RUNX1T1: variants seen among roughly 807,000 people sequenced by gnomAD.
RUNX1T1 encodes the protein RUNX1 partner transcriptional co-repressor 1, also known as protein CBFA2T1.
RUNX1T1 carries 4 observed loss-of-function variants against 62.8 expected under a neutral mutation model. The ratio of observed to expected loss-of-function variants is 0.06; its 90% CI spans 0.03 to 0.15. The LOEUF is 0.15. RUNX1T1 is among the 10% of genes least tolerant of loss of function. RUNX1T1 has a pLI of 1.00. For synonymous variants in RUNX1T1, 291 were observed against 286.0 expected (o/e 1.02, Z -0.18); for missense variants, 508 against 754.3 (o/e 0.67, Z 3.82).
intron 1 of RUNX1T1, among the ~76,000 whole-genome samples, chr8:92,054,922 T>C (rs1261420040): frequency 6.6e-6 from 1 of 152,098 alleles, no homozygotes; most frequent in African/African-American, 2.4e-5. Flanking sequence ...GGGGAACTGC[T>C]TGAACCCGGG....
At chr8:92,089,227 C>A (rs575402050) in intron 1 of RUNX1T1, among the ~76,000 whole-genome samples, 78 of 152,124 alleles carry the variant, frequency 5.1e-4, no homozygotes, top group Non-Finnish European at 9.0e-4. Flanking sequence ...TTTATAACCA[C>A]CCAAATTAGA....
chr8:92,089,243 A>C (rs1257827002), intron 1 of RUNX1T1, among the ~76,000 whole-genome samples: 1 of 152,192 alleles, frequency 6.6e-6, no homozygotes, highest in Admixed American at 6.5e-5. Context: ...TTAGAATCAA[A>C]TCTCTAATAA....
chr8:92,047,988 C>T (rs891923781), intron 1 of RUNX1T1, among the ~76,000 whole-genome samples: 1 of 152,174 alleles, frequency 6.6e-6, no homozygotes, highest in Non-Finnish European at 1.5e-5. Context: ...AAAGTTCTCA[C>T]ATAATTTTTT....
intron 1 of RUNX1T1, among the ~76,000 whole-genome samples, chr8:92,053,262 T>C (rs1028783607): frequency 9.9e-5 from 15 of 152,276 alleles, no homozygotes; most frequent in African/African-American, 2.4e-4. Flanking sequence ...TAAGAAACTA[T>C]TGGCTAAATT....
intron 2 of RUNX1T1, among the ~76,000 whole-genome samples, chr8:92,074,298 G>A (rs542019186): frequency 5.9e-5 from 9 of 152,266 alleles, no homozygotes; most frequent in African/African-American, 2.2e-4. Flanking sequence ...TGCTGCAATG[G>A]TTCATTGCCA....
downstream of RUNX1T1, chr8:91,956,243 T>C (rs1234167254): frequency 4.3e-5 from 10 of 231,464 alleles, no homozygotes; most frequent in Middle Eastern, 1.3e-3. Context: ...CTATGGAAGG[T>C]AGTAATTCTC....
chr8:91,986,859 T>A (rs1204876232), intron 7 of RUNX1T1, 28 bp downstream of exon 8: 2 of 1,445,942 alleles, frequency 1.4e-6, no homozygotes, highest in South Asian at 1.1e-5. Context: ...AAACATTTTT[T>A]AATCCCAAAT....
At chr8:92,100,710 A>C (rs943713023), upstream of RUNX1T1, among the ~76,000 whole-genome samples, 15 of 152,244 alleles carry the variant, frequency 9.9e-5, no homozygotes, top group Non-Finnish European at 1.9e-4. Context: ...AAAGGAAAAA[A>C]ACGAAAATGA....
intron 1 of RUNX1T1, among the ~76,000 whole-genome samples, chr8:92,085,989 T>C (rs553855899): frequency 1.3e-5 from 2 of 152,378 alleles, no homozygotes; most frequent in African/African-American, 4.8e-5. Flanking sequence ...TTAAACTCAG[T>C]AGATTTTAAT....
At chr8:92,095,365 G>C (rs1484982516) in intron 1 of RUNX1T1, 6 of 1,535,358 alleles carry the variant, frequency 3.9e-6, no homozygotes, top group Admixed American at 3.9e-5. Flanking sequence ...AAAGGAGCGC[G>C]GGAGAGCGGC....
At chr8:92,038,534 C>T (rs996852620) in intron 1 of RUNX1T1, among the ~76,000 whole-genome samples, 1 of 152,056 alleles carries the variant, frequency 6.6e-6, no homozygotes, top group Non-Finnish European at 1.5e-5. Flanking sequence ...CCAAACAGGA[C>T]ACAGGAAATG....
intron 1 of RUNX1T1, among the ~76,000 whole-genome samples, chr8:92,054,440 T>C (rs1830708112): frequency 6.6e-6 from 1 of 152,196 alleles, no homozygotes. Context: ...TCGCTGTCTA[T>C]AAAGAGGTTT....
rs186161326 is a variant in RUNX1T1 at position 92,007,820 on chromosome 8, T to C, written c.478-2523A>G. On this transcript the variant is annotated intron_variant, in intron 4 of 10. Transcript: ENST00000396218. ...CCTCATCTCTACAAAAAATACAAAA[T>C]CGGTTGGATGCAGTGGCCCATGCCT... 6.6e-5 allele frequency among the ~76,000 whole-genome samples: 10 copies of C among 151,770 alleles called. No homozygotes were observed. In the East Asian group the frequency reaches 1.6e-3, roughly 24 times the overall value.
At chr8:92,032,000 C>T (rs1033916328) in intron 1 of RUNX1T1, among the ~76,000 whole-genome samples, 4 of 144,754 alleles carry the variant, frequency 2.8e-5, no homozygotes, top group African/African-American at 5.2e-5. Context: ...GGCTGAGGCA[C>T]GAGAATTTTT....
intron 1 of RUNX1T1, among the ~76,000 whole-genome samples, chr8:92,098,103 A>C (rs1387108450): frequency 6.6e-6 from 1 of 152,212 alleles, no homozygotes; most frequent in African/African-American, 2.4e-5. Flanking sequence ...ATTCAGATAA[A>C]AATCTAGCAT....
intron 1 of RUNX1T1, among the ~76,000 whole-genome samples, chr8:92,082,206 T>C (rs1447387768): frequency 6.6e-6 from 1 of 152,182 alleles, no homozygotes; most frequent in African/African-American, 2.4e-5. Flanking sequence ...ATTTTTGTAC[T>C]GTAAACAGTA....
At chr8:92,030,041 T>G (rs6992515) in intron 1 of RUNX1T1, among the ~76,000 whole-genome samples, 3 of 151,984 alleles carry the variant, frequency 2.0e-5, no homozygotes, top group Admixed American at 1.3e-4. Context: ...ACAACCTAGA[T>G]AGATTTAATA....
chr8:92,018,385 T>G (rs550159901), intron 1 of RUNX1T1, among the ~76,000 whole-genome samples: 8 of 152,224 alleles, frequency 5.3e-5, no homozygotes, highest in Admixed American at 1.3e-4. Flanking sequence ...ATAAGAGCAT[T>G]TGCACGATGA....
upstream of RUNX1T1, chr8:92,102,811 G>T (rs1838101223): frequency 6.7e-7 from 1 of 1,489,862 alleles, no homozygotes. The surrounding 1 kb of genome is among the most constrained non-coding windows in gnomAD (Gnocchi z 4.5). Flanking sequence ...TCAGGGGCCC[G>T]ACCCCGCCGC....
Sources: gnomAD v4.1 joint callset for allele counts (sites outside exome capture counted in the v4.1 genomes callset) on GRCh38, gnomAD v4.1.1 for gene constraint, Gnocchi (gnomAD v3.1) non-coding constraint, MANE v1.5 for transcripts, NCBI Gene and HGNC (gene_info 2026-07-23, HGNC 2026-07-21) for gene names.